OBP2B: variants seen among roughly 807,000 people sequenced by gnomAD.
The protein encoded by OBP2B is odorant binding protein 2B.
A neutral mutation model predicts 21.7 loss-of-function variants in OBP2B; 10 were observed. That is an observed-to-expected ratio of 0.46 (90% CI 0.28 to 0.78). The LOEUF is 0.78. Ranked by LOEUF, OBP2B falls within the 30% of genes least tolerant of loss-of-function variation. The pLI, the probability that OBP2B is intolerant of heterozygous loss-of-function variation, is 0.11. For synonymous variants in OBP2B, 73 were observed against 91.5 expected, an observed-to-expected ratio of 0.80 and a Z score of 1.16; for missense variants, 153 against 217.7, an observed-to-expected ratio of 0.70 and a Z score of 1.87.
At chr9:133,206,914 G>A (rs1478768542) in intron 4 of OBP2B, among the ~76,000 whole-genome samples, 1 of 151,934 alleles carries the variant, frequency 6.6e-6, no homozygotes. Flanking sequence ...GCCCTGGAGG[G>A]TCCCTGCCCC....
the OBP2B span, among the ~76,000 whole-genome samples, chr9:133,222,127 G>A: frequency 6.6e-6 from 1 of 152,178 alleles, no homozygotes; most frequent in Admixed American, 6.5e-5. Flanking sequence ...CGTATGTGCT[G>A]AGTGTGTCAG....
intron 3 of OBP2B, among the ~76,000 whole-genome samples, chr9:133,207,548 G>C (rs1360438479): frequency 6.6e-6 from 1 of 152,142 alleles, no homozygotes. Flanking sequence ...GCCAGAGCAC[G>C]TCCAGGACTA....
At chr9:133,209,671 C>G (rs1483350415), upstream of OBP2B, among the ~76,000 whole-genome samples, 2 of 152,090 alleles carry the variant, frequency 1.3e-5, no homozygotes, top group African/African-American at 2.4e-5. This position sits in a 1 kb window ranked among gnomAD's most constrained non-coding sequence, Gnocchi z 6.0. Flanking sequence ...GCTTTAGAAC[C>G]AGAGAGACGT....
the OBP2B span, among the ~76,000 whole-genome samples, chr9:133,218,611 G>T: frequency 6.6e-6 from 1 of 152,174 alleles, no homozygotes; most frequent in African/African-American, 2.4e-5. Context: ...GGTGCAAAAC[G>T]CTTGTGTTTA....
upstream of OBP2B, chr9:133,209,326 C>T (rs2119403730): frequency 3.5e-6 from 3 of 856,766 alleles, no homozygotes; most frequent in Non-Finnish European, 5.6e-6. The surrounding 1 kb of genome is among the most constrained non-coding windows in gnomAD (Gnocchi z 6.0). Context: ...CACGGTGCAC[C>T]CCTCCCCATG....
At chr9:133,215,694 C>T in the OBP2B span, among the ~76,000 whole-genome samples, 1 of 152,124 alleles carries the variant, frequency 6.6e-6, no homozygotes, top group Non-Finnish European at 1.5e-5. Context: ...ACAGGCTACC[C>T]TTTCAAGACT....
the OBP2B span, among the ~76,000 whole-genome samples, chr9:133,218,393 C>T: frequency 1.2e-3 from 187 of 152,332 alleles, no homozygotes; most frequent in Non-Finnish European, 1.8e-3. Context: ...AGAGCTCTGA[C>T]AAAGGCAAGC....
chr9:133,218,119 G>T, the OBP2B span, among the ~76,000 whole-genome samples: 1 of 152,222 alleles, frequency 6.6e-6, no homozygotes, highest in Non-Finnish European at 1.5e-5. Flanking sequence ...CGCCAAGGTG[G>T]CATTCAAACA....
upstream of OBP2B, among the ~76,000 whole-genome samples, chr9:133,213,349 A>C (rs782516467): frequency 6.6e-5 from 10 of 152,200 alleles, no homozygotes; most frequent in Non-Finnish European, 1.3e-4. Context: ...CAACTATCTA[A>C]GCTCCCACTT....
chr9:133,205,743 C>T, intron 6 of OBP2B, 174 bp downstream of exon 6: 1 of 932,086 alleles, frequency 1.1e-6, no homozygotes, highest in African/African-American at 1.6e-5. Flanking sequence ...CAAAGGACTT[C>T]CCGAATGTCC....
At chr9:133,211,762 C>T (rs150081126), upstream of OBP2B, among the ~76,000 whole-genome samples, 1 of 152,272 alleles carries the variant, frequency 6.6e-6, no homozygotes, top group African/African-American at 2.4e-5. Context: ...AGACTTCTGG[C>T]CACCAGAATG....
At chr9:133,216,550 A>G in the OBP2B span, among the ~76,000 whole-genome samples, 1 of 152,156 alleles carries the variant, frequency 6.6e-6, no homozygotes, top group African/African-American at 2.4e-5. Context: ...TTGTCCCAGA[A>G]AAATGAAAAC....
chr9:133,206,476 C>A, intron 4 of OBP2B, 60 bp from the exon 5 acceptor site: 1 of 1,602,586 alleles, frequency 6.2e-7, no homozygotes, highest in Non-Finnish European at 8.5e-7. Context: ...CTGCAGGGAG[C>A]AGATGCCGAA....
At chr9:133,220,473 C>T in the OBP2B span, among the ~76,000 whole-genome samples, 5 of 152,248 alleles carry the variant, frequency 3.3e-5, no homozygotes, top group East Asian at 9.7e-4. Context: ...ATAATGGTCC[C>T]CTGAAGATGT....
At chr9:133,206,220 C>T (rs782042411) in intron 5 of OBP2B, 95 bp downstream of exon 5, 60 of 1,378,116 alleles carry the variant, frequency 4.4e-5, no homozygotes, top group South Asian at 2.2e-4. Context: ...ACGGGGAATG[C>T]GGGGGACATG....
At chr9:133,215,191 T>C in the OBP2B span, among the ~76,000 whole-genome samples, 1 of 152,112 alleles carries the variant, frequency 6.6e-6, no homozygotes, top group Non-Finnish European at 1.5e-5. Flanking sequence ...AAAAAAGAGA[T>C]ACCTAGGCAT....
upstream of OBP2B, among the ~76,000 whole-genome samples, chr9:133,209,658 T>C (rs1250648643): frequency 3.9e-5 from 6 of 152,118 alleles, no homozygotes; most frequent in African/African-American, 1.4e-4. This position sits in a 1 kb window ranked among gnomAD's most constrained non-coding sequence, Gnocchi z 6.0. Flanking sequence ...AGAAATGGAC[T>C]GGGCTTTAGA....
At chr9:133,209,505 G>C (rs1472206633), upstream of OBP2B, among the ~76,000 whole-genome samples, 1 of 152,194 alleles carries the variant, frequency 6.6e-6, no homozygotes. The surrounding 1 kb of genome is among the most constrained non-coding windows in gnomAD (Gnocchi z 6.0). Flanking sequence ...GGACAGGGCA[G>C]GGTGGTGTCC....
intron 5 of OBP2B, 121 bp downstream of exon 5, chr9:133,206,181 GGGAGCCCCTGCGA>G: frequency 8.5e-7 from 1 of 1,169,594 alleles, no homozygotes; most frequent in African/African-American, 1.5e-5. Context: ...AACAGGGCCC[GGGAGCCCCTGCGA>G]GGAGACTCGG....
Sources: gnomAD v4.1 joint callset for allele counts (sites outside exome capture counted in the v4.1 genomes callset) on GRCh38, gnomAD v4.1.1 for gene constraint, Gnocchi (gnomAD v3.1) non-coding constraint, MANE v1.5 for transcripts, NCBI Gene and HGNC (gene_info 2026-07-23, HGNC 2026-07-21) for gene names.